The following EDDM13 variants were observed in gnomAD, a reference collection of about 807,000 sequenced individuals.
EDDM13 encodes the protein epididymal protein 13.
In EDDM13, 24 loss-of-function variants were observed where a neutral mutation model predicts 17.8. The observed-to-expected ratio is 1.35, with a 90% confidence interval of 0.98 to 1.90. The LOEUF (loss-of-function observed/expected upper bound fraction) is 1.90, where lower values mean the gene tolerates loss of function less well. Among genes scored for constraint, EDDM13 ranks in the 40% most tolerant of loss-of-function variants. The probability of loss-of-function intolerance (pLI) is 0.00; values close to 1 mark genes in which losing one functional copy is unlikely to be tolerated. For synonymous variants in EDDM13, 31 were observed against 37.5 expected (o/e 0.83, Z 0.63); for missense variants, 97 against 100.8 (o/e 0.96, Z 0.16).
chr19:56,303,128 T>C (rs2040456343), intron 13 of EDDM13: 2 of 372,330 alleles, frequency 5.4e-6, no homozygotes, highest in South Asian at 1.5e-4. Context: ...AGGGGAAGCA[T>C]TCCAGAGAAA....
intron 2 of EDDM13, among the ~76,000 whole-genome samples, chr19:56,279,755 A>T (rs757864470): frequency 2.0e-5 from 3 of 152,176 alleles, no homozygotes; most frequent in Non-Finnish European, 4.4e-5. Flanking sequence ...CTATCTTCAA[A>T]AGCTGAACCT....
At chr19:56,280,746 C>T (rs1384777502) in intron 2 of EDDM13, 1 of 152,144 alleles carries the variant, frequency 6.6e-6, no homozygotes. Flanking sequence ...AGACAGAGAG[C>T]TCAGAGCTTC....
At chr19:56,274,319 T>A (rs10775567) in intron 1 of EDDM13, among the ~76,000 whole-genome samples, 3 of 151,446 alleles carry the variant, frequency 2.0e-5, no homozygotes, top group African/African-American at 7.3e-5. Flanking sequence ...CCAGGCATGG[T>A]AGTAGGGGCC....
intron 12 of EDDM13, chr19:56,298,248 A>G (rs1434764780): frequency 2.0e-5 from 3 of 152,202 alleles, no homozygotes; most frequent in Non-Finnish European, 4.4e-5. Flanking sequence ...CAATAAGGTG[A>G]TCATTGGAGA....
intron 13 of EDDM13, among the ~76,000 whole-genome samples, chr19:56,304,074 T>C (rs1004041404): frequency 2.6e-5 from 4 of 152,074 alleles, no homozygotes; most frequent in Admixed American, 6.6e-5. Context: ...CCTTCTGAGT[T>C]ATCAAAGGAT....
At chr19:56,284,245 C>T in intron 5 of EDDM13, 39 bp downstream of exon 5, 1 of 934,388 alleles carries the variant, frequency 1.1e-6, no homozygotes. Flanking sequence ...CCAGACTGTG[C>T]ACTTTGGCGG....
Position 56,284,638 on chromosome 19 carries a change from C to A in EDDM13, c.128-360C>A, listed in dbSNP as rs1445223385. 2.0e-5 allele frequency among the ~76,000 whole-genome samples: 3 copies of A among 151,730 alleles called. No homozygotes were observed. The East Asian group carries it at 5.8e-4, about 29-fold the overall frequency. ...CATGCCATTCTCCAACCTCAGCCTC[C>A]TGAGTAGCTGGGATTACAGGCACCC... On this transcript the variant is annotated intron_variant, in intron 5 of 14. Transcript: ENST00000649256.
chr19:56,294,309 C>T (rs1212876355), intron 9 of EDDM13, among the ~76,000 whole-genome samples: 2 of 152,204 alleles, frequency 1.3e-5, no homozygotes, highest in Non-Finnish European at 2.9e-5. Flanking sequence ...GCAAGTGGTT[C>T]GGTGGAGACA....
chr19:56,284,513 ATTTT>A (rs11374260), intron 5 of EDDM13, among the ~76,000 whole-genome samples: 7 of 118,330 alleles, frequency 5.9e-5, no homozygotes, highest in South Asian at 6.0e-4. Flanking sequence ...GCTTGCTGTA[ATTTT>A]TTTTTTTTTT....
At chr19:56,296,238 G>A (rs2039864843) in intron 10 of EDDM13, 98 bp from the exon 11 acceptor site, 1 of 152,562 alleles carries the variant, frequency 6.6e-6, no homozygotes, top group African/African-American at 2.4e-5. Context: ...CTTCTCGGAG[G>A]AGGAGTGGCT....
At chr19:56,275,204 G>C (rs940380573) in intron 1 of EDDM13, among the ~76,000 whole-genome samples, 6 of 152,072 alleles carry the variant, frequency 3.9e-5, no homozygotes, top group African/African-American at 1.4e-4. Flanking sequence ...GAGAAATTTT[G>C]AGGCTATGCG....
intron 2 of EDDM13, among the ~76,000 whole-genome samples, chr19:56,278,758 T>C (rs367623502): frequency 3.3e-5 from 5 of 152,174 alleles, no homozygotes; most frequent in African/African-American, 1.2e-4. Flanking sequence ...CTGAGGCCAA[T>C]GGCCTGGGAG....
chr19:56,307,801 A>G (rs1281081916), intron 14 of EDDM13, among the ~76,000 whole-genome samples: 9 of 152,264 alleles, frequency 5.9e-5, no homozygotes, highest in African/African-American at 1.9e-4. Flanking sequence ...TTTTGGGTAC[A>G]CACCTATTTT....
At chr19:56,275,069 A>G (rs570961576) in intron 1 of EDDM13, among the ~76,000 whole-genome samples, 39 of 152,330 alleles carry the variant, frequency 2.6e-4, no homozygotes, top group Non-Finnish European at 4.4e-4. Flanking sequence ...CAGGGACCAC[A>G]TGATGTTGAT....
intron 1 of EDDM13, among the ~76,000 whole-genome samples, chr19:56,273,736 A>G (rs534451452): frequency 1.3e-5 from 2 of 152,140 alleles, no homozygotes; most frequent in African/African-American, 4.8e-5. Context: ...TACAAGTAAG[A>G]AGAGACAGGA....
Position 56,285,022 on chromosome 19 carries a change from A to G in EDDM13, c.152A>G (p.Asp51Gly). ...IIGLMSRLSPDGLRHNITSLK... is the reference protein window; with the variant it reads ...IIGLMSRLSPGGLRHNITSLK... ...GGTCTCATGAGCAGACTGTCACCGG[A>G]TGGTAAGTGTCAGGATTGTATCTTT... Residue 51 changes from aspartate (D) to glycine (G), a missense_variant and splice_region_variant, in exon 6 of 15, where the codon GAT becomes GGT. Transcript: ENST00000649256. The G allele has an allele frequency of 1.0e-6, 1 of 985,320 alleles. No individual in the cohort carries two copies. The highest frequency in any genetic ancestry group is 5.2e-4 in the Middle Eastern group (1 of 1,912). The allele number at this position is 985,320 out of a possible 1,614,324, so 61.0% of individuals were successfully genotyped here. A position where few individuals can be genotyped will look rare whatever the true frequency, so the allele number is the denominator to read the frequency against.
At chr19:56,283,305 T>G (rs1371071719) in intron 4 of EDDM13, 2 of 152,180 alleles carry the variant, frequency 1.3e-5, no homozygotes, top group African/African-American at 4.8e-5. Flanking sequence ...CTAACTTTAC[T>G]AAATGTTACC....
chr19:56,303,829 A>C (rs1600241143), intron 13 of EDDM13, among the ~76,000 whole-genome samples: 1 of 26,240 alleles, frequency 3.8e-5, no homozygotes, highest in South Asian at 8.0e-4. Context: ...GTCTGGACAT[A>C]AGAGATGAGA....
chr19:56,273,311 G>A (rs2037993605), intron 1 of EDDM13, among the ~76,000 whole-genome samples: 1 of 152,214 alleles, frequency 6.6e-6, no homozygotes, highest in African/African-American at 2.4e-5. Flanking sequence ...TAATTCTAGT[G>A]AGACTCCAGA....
Sources: gnomAD v4.1 joint callset for allele counts (sites outside exome capture counted in the v4.1 genomes callset) on GRCh38, gnomAD v4.1.1 for gene constraint, MANE v1.5 for transcripts, NCBI Gene and HGNC (gene_info 2026-07-23, HGNC 2026-07-21) for gene names.